ZNF532: variants seen among roughly 807,000 people sequenced by gnomAD.
ZNF532 encodes zinc finger protein 532.
Under a neutral mutation model 89.3 loss-of-function variants are expected in ZNF532, and 22 were observed. That is an observed-to-expected ratio of 0.25 (90% CI 0.18 to 0.35). The LOEUF (loss-of-function observed/expected upper bound fraction) is 0.35, where lower values mean the gene tolerates loss of function less well. Among genes scored for constraint, ZNF532 ranks in the 10% least tolerant of loss-of-function variants. The probability of loss-of-function intolerance (pLI) is 1.00; values close to 1 mark genes in which losing one functional copy is unlikely to be tolerated. For missense variants in ZNF532, 1,132 were observed against 1,643.4 expected, an observed-to-expected ratio of 0.69 and a Z score of 5.38; for synonymous variants, 606 against 649.6, an observed-to-expected ratio of 0.93 and a Z score of 1.02.
At chr18:58,982,087 C>G (rs941852027) in intron 9 of ZNF532, among the ~76,000 whole-genome samples, 2 of 151,416 alleles carry the variant, frequency 1.3e-5, no homozygotes, top group Admixed American at 6.6e-5. Context: ...ACCTCATCAT[C>G]AGGAGTTCGA....
chr18:58,981,943 G>A (rs1413940368), intron 9 of ZNF532, among the ~76,000 whole-genome samples: 2 of 147,318 alleles, frequency 1.4e-5, no homozygotes, highest in Non-Finnish European at 3.0e-5. Context: ...GGTGGAGGTT[G>A]CAGTGAGCTG....
chr18:58,942,627 G>A (rs1381980955), intron 5 of ZNF532, among the ~76,000 whole-genome samples: 1 of 151,866 alleles, frequency 6.6e-6, no homozygotes, highest in Non-Finnish European at 1.5e-5. Flanking sequence ...GGCCTGTACT[G>A]CAGTGTTCCC....
chr18:58,972,451 G>A (rs1370322434), intron 7 of ZNF532, among the ~76,000 whole-genome samples: 1 of 152,136 alleles, frequency 6.6e-6, no homozygotes, highest in Non-Finnish European at 1.5e-5. Flanking sequence ...CTTTGATAAA[G>A]AAATAAGAAA....
In ZNF532 at chr18:58,984,235, A is replaced by G. The variant is rs754226841; in HGVS notation, c.3675A>G (p.Val1225=). ...CTCTGTCCAGGCACCTCTTCATCGTACACAAGTTAAAGGAACCTCAGCCAG... is the reference window on the plus strand; with the variant it reads ...CTCTGTCCAGGCACCTCTTCATCGTGCACAAGTTAAAGGAACCTCAGCCAG... The part of the protein sequence containing the change: ...HVSLSRHLFI[V]HKLKEPQPVS... The change falls in exon 10 of 10, where the codon GTA becomes GTG. Residue 1225 remains valine (V), a synonymous_variant. Transcript: ENST00000591808. 2 of 1,611,928 alleles carry G rather than the reference A, an allele frequency of 1.2e-6. No homozygotes were observed. Among genetic ancestry groups the G allele is most frequent in the South Asian group, 2.2e-5 (2 of 90,982 alleles).
chr18:58,871,730 G>T (rs1167157730), intron 2 of ZNF532, among the ~76,000 whole-genome samples: 1 of 152,200 alleles, frequency 6.6e-6, no homozygotes, highest in Non-Finnish European at 1.5e-5. Context: ...TACACTCAGG[G>T]CCTTTGTATT....
chr18:58,948,114 C>G lies in ZNF532; in HGVS notation c.2753C>G (p.Thr918Ser). Residue 918 changes from threonine (T) to serine (S), a missense_variant, in exon 6 of 10, where the codon ACC (threonine) becomes AGC (serine). Physicochemically the swap from Thr to Ser is moderately conservative, Grantham distance 58. Coordinates refer to ENST00000591808, the MANE Select transcript of ZNF532 (RefSeq NM_001375912.1). ...SMCDTVFTLQ[T>S]LLYRHFDQHI... ...TGCGACACTGTGTTCACCCTGCAAA[C>G]CTTGCTGTATCGCCACTTTGACCAA... 1.2e-6 allele frequency: 2 copies of G among 1,613,828 alleles called. No individual in the cohort carries two copies. The highest frequency in any genetic ancestry group is 2.2e-5 in the South Asian group (2 of 91,012).
At position 58,901,234 on chromosome 18, in the gene ZNF532, G is replaced by A. The variant is rs547392312; in HGVS notation, c.-17-17037G>A. ...TGTGAAGCCCACATCAGTGGCCTTC[G>A]TCTCCTCTTGGCTTCTAGCACTTTT... On this transcript the variant is annotated intron_variant, in intron 2 of 9. Coordinates refer to ENST00000591808, the MANE Select transcript of ZNF532 (RefSeq NM_001375912.1). Among the ~76,000 whole-genome samples the A allele has an allele frequency of 1.1e-4, 17 of 152,192 alleles. No individual in the cohort carries two copies. The South Asian group carries it at 3.3e-3, about 30-fold the overall frequency.
chr18:58,953,888 C>T lies in ZNF532; in HGVS notation c.3150+89C>T, dbSNP rs183091374. ...CAAGATGTGGGCTCTTGGCTTGGCTCTATCAGTAATTAGTGCTGTGACCTT... is the reference window on the plus strand; with the variant it reads ...CAAGATGTGGGCTCTTGGCTTGGCTTTATCAGTAATTAGTGCTGTGACCTT... On this transcript the variant is annotated intron_variant, in intron 7 of 9. Coordinates refer to ENST00000591808, the MANE Select transcript of ZNF532 (RefSeq NM_001375912.1). The T allele has an allele frequency of 1.1e-4, 166 of 1,509,920 alleles. 1 individual carries two copies. The African/African-American group carries it at 2.2e-3, about 20-fold the overall frequency. 93.5% of individuals were successfully genotyped at this position (1,509,920 alleles called of 1,614,324 possible). A position where few individuals can be genotyped will look rare whatever the true frequency, so the allele number is the denominator to read the frequency against.
intron 7 of ZNF532, chr18:58,977,365 C>T (rs1183628707): frequency 6.6e-6 from 1 of 152,128 alleles, no homozygotes; most frequent in Admixed American, 6.6e-5. Context: ...GTTGCAAGCC[C>T]ACCTCACAGG....
intron 7 of ZNF532, among the ~76,000 whole-genome samples, chr18:58,962,198 C>G (rs1397015786): frequency 6.6e-6 from 1 of 151,758 alleles, no homozygotes; most frequent in Non-Finnish European, 1.5e-5. Flanking sequence ...TGCGCTCCAG[C>G]CTGGATGACA....
At chr18:58,952,686 G>A (rs1375092909) in intron 6 of ZNF532, among the ~76,000 whole-genome samples, 3 of 152,148 alleles carry the variant, frequency 2.0e-5, no homozygotes, top group Non-Finnish European at 2.9e-5. Context: ...AATTATAGGC[G>A]TGAGCCACTG....
intron 7 of ZNF532, chr18:58,977,817 C>T (rs2067231589): frequency 6.6e-6 from 1 of 152,210 alleles, no homozygotes; most frequent in African/African-American, 2.4e-5. Context: ...CGCTGCACTC[C>T]AGCCTAGGCA....
At chr18:58,966,294 A>C (rs1391412533) in intron 7 of ZNF532, among the ~76,000 whole-genome samples, 1 of 152,222 alleles carries the variant, frequency 6.6e-6, no homozygotes, top group East Asian at 1.9e-4. Flanking sequence ...TTTTAAGAAT[A>C]GCTAGAAAAA....
At chr18:58,871,340 T>C (rs11665488) in intron 2 of ZNF532, among the ~76,000 whole-genome samples, 59,469 of 152,060 alleles carry the variant, frequency 0.39, 12,528 homozygotes, top group East Asian at 0.62. Context: ...CTGCCTCGGC[T>C]TCCCAAGCAG....
At chr18:58,971,897 A>T (rs1022228502) in intron 7 of ZNF532, among the ~76,000 whole-genome samples, 23 of 152,232 alleles carry the variant, frequency 1.5e-4, no homozygotes, top group Admixed American at 1.4e-3. Context: ...ACAGAATACA[A>T]TACACTTGTT....
chr18:58,947,966 T>C, intron 5 of ZNF532, 101 bp from the exon 6 acceptor site: 2 of 1,111,288 alleles, frequency 1.8e-6, no homozygotes, highest in South Asian at 3.3e-5. Context: ...TTGTGTGTTC[T>C]CAATGTGCCT....
intron 4 of ZNF532, among the ~76,000 whole-genome samples, chr18:58,936,478 A>G (rs919250310): frequency 3.9e-5 from 6 of 152,224 alleles, no homozygotes; most frequent in Admixed American, 1.3e-4. Context: ...GCTATTGCTG[A>G]TATCTTTCCT....
At position 58,953,566 on chromosome 18, in the gene ZNF532, A is replaced by G; in HGVS notation, c.2917A>G (p.Ile973Val). Residue 973 changes from isoleucine to valine, a missense_variant, in exon 7 of 10, where the codon ATA (isoleucine) becomes GTA (valine). This residue lies in a region of ZNF532 where 415 missense variants were observed against 604.8 expected (regional missense o/e 0.69). Transcript: ENST00000591808. ...TATTGAAGGGCCTCCAAACTTGGGTATAAACTTGCCTTTGAGCATTAAGCC... is the reference window on the plus strand; with the variant it reads ...TATTGAAGGGCCTCCAAACTTGGGTGTAAACTTGCCTTTGAGCATTAAGCC... Reference protein sequence around the residue: ...KSIEGPPNLGINLPLSIKPAT... With the variant: ...KSIEGPPNLGVNLPLSIKPAT... 2 of 1,613,572 alleles carry G rather than the reference A, an allele frequency of 1.2e-6. No homozygotes were observed. Among genetic ancestry groups the G allele is most frequent in the Non-Finnish European group, 1.7e-6 (2 of 1,179,652 alleles).
chr18:58,977,863 A>G (rs2067234897), intron 7 of ZNF532, among the ~76,000 whole-genome samples: 1 of 152,136 alleles, frequency 6.6e-6, no homozygotes, highest in Non-Finnish European at 1.5e-5. Context: ...AATGTAATCA[A>G]TCATTTCTTT....
Sources: allele counts gnomAD v4.1 joint callset (sites outside exome capture counted in the v4.1 genomes callset), GRCh38; gene constraint gnomAD v4.1.1; regional missense constraint gnomAD v4.1.1; transcripts MANE v1.5; gene names NCBI Gene and HGNC (gene_info 2026-07-23, HGNC 2026-07-21).